The following SPDYE10 variants were observed in gnomAD, a reference collection of about 807,000 sequenced individuals.
SPDYE10 encodes the protein speedy protein E10.
At chr7:73,143,289 C>A in the SPDYE10 span, among the ~76,000 whole-genome samples, 2 of 152,028 alleles carry the variant, frequency 1.3e-5, no homozygotes, top group Non-Finnish European at 2.9e-5. Flanking sequence ...GTATTTGGCT[C>A]GTGGTTCTGC....
the SPDYE10 span, among the ~76,000 whole-genome samples, chr7:73,115,139 A>G: frequency 1.3e-5 from 2 of 151,084 alleles, no homozygotes; most frequent in Non-Finnish European, 1.5e-5. Flanking sequence ...CAGATGAACC[A>G]CCCGCCTCAG....
the SPDYE10 span, among the ~76,000 whole-genome samples, chr7:73,115,363 G>A: frequency 2.6e-5 from 4 of 152,028 alleles, no homozygotes; most frequent in Non-Finnish European, 1.5e-5. Context: ...TCACACTACT[G>A]TGTTCTGTAG....
chr7:73,142,668 G>A, the SPDYE10 span, among the ~76,000 whole-genome samples: 1 of 152,092 alleles, frequency 6.6e-6, no homozygotes, highest in Non-Finnish European at 1.5e-5. Context: ...CAGGCACAGT[G>A]GCTGATGCCT....
chr7:73,149,281 C>G, the SPDYE10 span, among the ~76,000 whole-genome samples: 6 of 118,036 alleles, frequency 5.1e-5, no homozygotes, highest in Admixed American at 5.3e-4. Context: ...TGTGCCCAGA[C>G]AACAGCTATT....
chr7:73,113,787 G>A, the SPDYE10 span, among the ~76,000 whole-genome samples: 1 of 151,992 alleles, frequency 6.6e-6, no homozygotes, highest in East Asian at 1.9e-4. Flanking sequence ...TGTAATCCCA[G>A]CACTTTGGGA....
chr7:73,124,921 CTAAATAAA>C, the SPDYE10 span, among the ~76,000 whole-genome samples: 1 of 140,942 alleles, frequency 7.1e-6, no homozygotes, highest in Non-Finnish European at 1.6e-5. Flanking sequence ...AAGACTCTGT[CTAAATAAA>C]TAAATAAATA....
the SPDYE10 span, among the ~76,000 whole-genome samples, chr7:73,148,979 CTTTT>C: frequency 1.1e-5 from 1 of 94,560 alleles, no homozygotes. Context: ...CGAAAAATAA[CTTTT>C]TTTTTTTTTT....
At chr7:73,147,893 G>A in the SPDYE10 span, among the ~76,000 whole-genome samples, 1 of 151,118 alleles carries the variant, frequency 6.6e-6, no homozygotes, top group African/African-American at 2.5e-5. Context: ...TGCCACCTCC[G>A]CTTCCCCGGT....
At chr7:73,135,584 G>A in the SPDYE10 span, among the ~76,000 whole-genome samples, 12 of 113,408 alleles carry the variant, frequency 1.1e-4, no homozygotes, top group Non-Finnish European at 1.8e-4. Context: ...GGAGTGCAGC[G>A]GTGCAATCTT....
At chr7:73,124,874 AG>A in the SPDYE10 span, among the ~76,000 whole-genome samples, 1 of 142,632 alleles carries the variant, frequency 7.0e-6, no homozygotes, top group Non-Finnish European at 1.5e-5. Context: ...CAGTGAGCCG[AG>A]ATCACACCAC....
the SPDYE10 span, among the ~76,000 whole-genome samples, chr7:73,134,538 A>AG: frequency 4.7e-3 from 3 of 632 alleles, no homozygotes; most frequent in East Asian, 0.056. Flanking sequence ...AAAGAAAGAA[A>AG]AAGAAAGAAA....
the SPDYE10 span, among the ~76,000 whole-genome samples, chr7:73,150,948 A>ATATTT: frequency 6.3e-3 from 31 of 4,942 alleles, 1 homozygote; most frequent in African/African-American, 0.025. Flanking sequence ...ATATATATAT[A>ATATTT]TTTTTTTTTT....
At chr7:73,118,005 G>C in the SPDYE10 span, among the ~76,000 whole-genome samples, 1 of 149,760 alleles carries the variant, frequency 6.7e-6, no homozygotes, top group Non-Finnish European at 1.5e-5. Context: ...ACAAAAATTA[G>C]TCGGGAGTGG....
At chr7:73,126,922 T>G in the SPDYE10 span, among the ~76,000 whole-genome samples, 10 of 125,390 alleles carry the variant, frequency 8.0e-5, no homozygotes, top group Admixed American at 1.5e-4. Flanking sequence ...TTTTTTTTTT[T>G]TTTTTTTTTT....
At chr7:73,154,840 G>A in the SPDYE10 span, 3 of 202,808 alleles carry the variant, frequency 1.5e-5, 1 homozygote, top group Non-Finnish European at 2.0e-5. Context: ...AGCAGCACCG[G>A]GGGAGCCCCC....
At chr7:73,142,770 C>T in the SPDYE10 span, among the ~76,000 whole-genome samples, 159 of 152,080 alleles carry the variant, frequency 1.0e-3, no homozygotes, top group East Asian at 0.028. Flanking sequence ...ACCCCCATCT[C>T]CGCTATACAA....
the SPDYE10 span, among the ~76,000 whole-genome samples, chr7:73,142,860 G>C: frequency 2.0e-5 from 3 of 151,674 alleles, no homozygotes; most frequent in Non-Finnish European, 4.4e-5. Flanking sequence ...TTGAATCTAG[G>C]AGGCGGAGAT....
chr7:73,139,614 C>A, the SPDYE10 span, among the ~76,000 whole-genome samples: 1 of 149,898 alleles, frequency 6.7e-6, no homozygotes, highest in African/African-American at 2.5e-5. Context: ...AGCCACCACG[C>A]CCCCTGGCCT....
At chr7:73,137,387 C>T in the SPDYE10 span, among the ~76,000 whole-genome samples, 57 of 150,536 alleles carry the variant, frequency 3.8e-4, no homozygotes, top group African/African-American at 1.3e-3. Context: ...AGGTGGCAGG[C>T]GCCTGTAGTC....
Sources: gnomAD v4.1 joint callset for allele counts (sites outside exome capture counted in the v4.1 genomes callset) on GRCh38, gnomAD v4.1.1 for gene constraint, MANE v1.5 for transcripts, NCBI Gene and HGNC (gene_info 2026-07-23, HGNC 2026-07-21) for gene names.